IKBIP: variants seen among roughly 807,000 people sequenced by gnomAD.
The protein encoded by IKBIP is IKBKB interacting protein, also known as inhibitor of nuclear factor kappa-B kinase-interacting protein.
IKBIP carries 28 observed loss-of-function variants against 31.0 expected under a neutral mutation model. The observed-to-expected ratio is 0.90, with a 90% CI of 0.67 to 1.24. The LOEUF (loss-of-function observed/expected upper bound fraction) is 1.24. Ranked by LOEUF, IKBIP falls within the 50% of genes most tolerant of loss-of-function variation. The probability of loss-of-function intolerance (pLI) is 0.00; values close to 1 mark genes in which losing one functional copy is unlikely to be tolerated. For missense variants in IKBIP, 453 were observed against 441.9 expected, an observed-to-expected ratio of 1.03 and a Z score of -0.23; for synonymous variants, 164 against 160.3, an observed-to-expected ratio of 1.02 and a Z score of -0.17.
chr12:98,624,094 C>T (rs2097612154), downstream of IKBIP, among the ~76,000 whole-genome samples: 1 of 145,388 alleles, frequency 6.9e-6, no homozygotes, highest in African/African-American at 2.8e-5. Context: ...TTTCCATTTA[C>T]TTTCAGTAAC....
intron 2 of IKBIP, chr12:98,614,447 C>T: frequency 1.6e-6 from 1 of 639,770 alleles, no homozygotes; most frequent in Non-Finnish European, 2.3e-6. Flanking sequence ...TTTTTTGAGA[C>T]AGAGGCTTGT....
chr12:98,644,427 G>A (rs1215998569), intron 1 of IKBIP, 96 bp downstream of exon 1: 42 of 1,222,120 alleles, frequency 3.4e-5, no homozygotes, highest in Non-Finnish European at 4.0e-5. Flanking sequence ...AGGTCTGGGA[G>A]GTTGGATCAC....
rs1455982565 is a variant in IKBIP at position 98,630,324 on chromosome 12, GCAGTGAC to G, written c.298-3565_298-3559del. 3.1e-5 allele frequency among the ~76,000 whole-genome samples: 4 copies of G among 130,762 alleles called. No individual in the cohort carries two copies. In the East Asian group the frequency reaches 1.0e-3, roughly 33 times the overall value. 85.8% of individuals were successfully genotyped at this position (130,762 alleles called of 152,430 possible). A position where few individuals can be genotyped will look rare whatever the true frequency, so the allele number is the denominator to read the frequency against. ...TGCTTGAACCCAGGAGGCAGAGGTT[GCAGTGAC>G]CAGATCTCCCCACTGCACTCCAGCC... is the stretch of plus-strand genomic sequence containing the variant. On this transcript the variant is annotated intron_variant, in intron 2 of 2. Coordinates refer to ENST00000299157, the MANE Select transcript of IKBIP (RefSeq NM_153687.4).
At chr12:98,633,151 C>G (rs982647857) in intron 2 of IKBIP, among the ~76,000 whole-genome samples, 7 of 152,112 alleles carry the variant, frequency 4.6e-5, no homozygotes, top group Admixed American at 2.6e-4. Flanking sequence ...CCTTACCCAC[C>G]CTGGTGCCAA....
At chr12:98,643,835 A>C (rs1239352165) in intron 1 of IKBIP, among the ~76,000 whole-genome samples, 1 of 81,352 alleles carries the variant, frequency 1.2e-5, no homozygotes, top group Non-Finnish European at 2.5e-5. Context: ...TTTTTTTTTG[A>C]GACGGAGTCT....
intron 2 of IKBIP, among the ~76,000 whole-genome samples, chr12:98,614,746 A>G (rs2097605333): frequency 6.6e-6 from 1 of 152,136 alleles, no homozygotes; most frequent in South Asian, 2.1e-4. Flanking sequence ...TTATTTTTTA[A>G]CTACACTTTA....
chr12:98,629,376 TCAAACAAACAAA>T (rs61111913), intron 2 of IKBIP, among the ~76,000 whole-genome samples: 13 of 150,042 alleles, frequency 8.7e-5, no homozygotes, highest in South Asian at 6.4e-4. Flanking sequence ...CCTGTCTCTA[TCAAACAAACAAA>T]CAAACAAACA....
intron 2 of IKBIP, among the ~76,000 whole-genome samples, chr12:98,630,191 C>T (rs1224099402): frequency 6.6e-6 from 1 of 151,766 alleles, no homozygotes; most frequent in African/African-American, 2.4e-5. Flanking sequence ...TGAGACCATC[C>T]TGGCTAACAC....
chr12:98,637,947 CTTTATTTCCTT>C (rs1194611587), intron 1 of IKBIP, among the ~76,000 whole-genome samples: 7 of 152,176 alleles, frequency 4.6e-5, no homozygotes, highest in Non-Finnish European at 7.3e-5. Context: ...GTATAAGGTC[CTTTATTTCCTT>C]TTTATGAGTC....
intron 2 of IKBIP, among the ~76,000 whole-genome samples, chr12:98,629,147 T>C (rs779373047): frequency 6.6e-6 from 1 of 152,212 alleles, no homozygotes; most frequent in Non-Finnish European, 1.5e-5. Context: ...TGTTTGTTGA[T>C]GCTTAGGAAG....
At chr12:98,621,779 A>G (rs2097610326), downstream of IKBIP, among the ~76,000 whole-genome samples, 1 of 152,104 alleles carries the variant, frequency 6.6e-6, no homozygotes, top group Non-Finnish European at 1.5e-5. Context: ...TAGAGCTGTT[A>G]TGATGACGAT....
intron 2 of IKBIP, among the ~76,000 whole-genome samples, chr12:98,617,885 A>G (rs78305719): frequency 0.037 from 5,631 of 152,282 alleles, 204 homozygotes; most frequent in East Asian, 0.21. Flanking sequence ...TTTCTAGGAA[A>G]GTACTATGTT....
In IKBIP at chr12:98,626,649, C is replaced by T. The variant is rs1263698619; in HGVS notation, c.415G>A (p.Glu139Lys). The T allele has an allele frequency of 6.2e-7, 1 of 1,613,968 alleles. No homozygotes were observed. The highest frequency in any genetic ancestry group is 8.5e-7 in the Non-Finnish European group (1 of 1,179,984). ...CTTTGCATCCTTTGAGTGAGCACCT[C>T]TTCATTATTTTGAATGTCATGCATG... ...DIMHDIQNNE[E>K]VLTQRMQSLN... Residue 139 changes from glutamate (E) to lysine (K), a missense_variant, in exon 3 of 3, where the codon GAG (glutamate) becomes AAG (lysine). Transcript: ENST00000299157.
chr12:98,613,633 C>T (rs201283576), exon 3 of IKBIP: 3 of 1,557,302 alleles, frequency 1.9e-6, no homozygotes, highest in South Asian at 1.2e-5. Context: ...TATCCTTAAT[C>T]TCAGCTTGGA....
chr12:98,628,566 C>G (rs1363275216), intron 2 of IKBIP, among the ~76,000 whole-genome samples: 1 of 152,228 alleles, frequency 6.6e-6, no homozygotes, highest in Non-Finnish European at 1.5e-5. Context: ...AGCCCTAGCC[C>G]TGACAACCTG....
intron 2 of IKBIP, among the ~76,000 whole-genome samples, chr12:98,618,397 T>C (rs985166076): frequency 5.3e-5 from 8 of 150,248 alleles, no homozygotes; most frequent in East Asian, 4.1e-4. Flanking sequence ...GAGGCCGAGG[T>C]GGGCGGATCA....
Position 98,626,068 on chromosome 12 carries a change from AT to A in IKBIP, c.995del (p.Asn332IlefsTer4), listed in dbSNP as rs1565839820. 6.3e-7 allele frequency: 1 copy of A among 1,598,522 alleles called. No homozygotes were observed. Among genetic ancestry groups the A allele is most frequent in the Admixed American group, 1.7e-5 (1 of 57,812 alleles). ...QKTLEGIQYD[N>X]SILKMQNELD... is the part of the protein sequence containing the mutation. ...GTTCATTTTGCATCTTTAATATGCT[AT>A]TATCATACTGAATTCCTTCAAGGGT... On this transcript the variant is annotated frameshift_variant, in exon 3 of 3. Coordinates refer to ENST00000299157, the MANE Select transcript of IKBIP (RefSeq NM_153687.4). LOFTEE classifies it high-confidence loss of function.
At position 98,633,510 on chromosome 12, in the gene IKBIP, C is replaced by CTTTTTTTTTTTTTTTTTTTTTTTT. The variant is rs71432181; in HGVS notation, c.297+762_297+785dup. ...GCTAGCCGTTCTTTTTTTTTTAATT[C>CTTTTTTTTTTTTTTTTTTTTTTTT]TTTTTTTTTTTTTTTTTTTTTTTTG... is the stretch of plus-strand genomic sequence containing the variant. On this transcript the variant is annotated intron_variant, in intron 2 of 2. Transcript: ENST00000299157. Among the ~76,000 whole-genome samples, 27 of 61,394 alleles carry CTTTTTTTTTTTTTTTTTTTTTTTT rather than the reference C, an allele frequency of 4.4e-4. 1 individual carries two copies. Among genetic ancestry groups the CTTTTTTTTTTTTTTTTTTTTTTTT allele is most frequent in the East Asian group, 1.2e-3 (2 of 1,658 alleles). The allele number at this position is 61,394 out of a possible 152,430, so 40.3% of individuals were successfully genotyped here. A position where few individuals can be genotyped will look rare whatever the true frequency, so the allele number is the denominator to read the frequency against.
chr12:98,618,272 C>A (rs549564932), intron 2 of IKBIP, among the ~76,000 whole-genome samples: 5 of 152,046 alleles, frequency 3.3e-5, no homozygotes, highest in African/African-American at 9.7e-5. Flanking sequence ...CTAAAGATAT[C>A]TTTTTTTCTA....
Sources: allele counts gnomAD v4.1 joint callset (sites outside exome capture counted in the v4.1 genomes callset), GRCh38; gene constraint gnomAD v4.1.1; transcripts MANE v1.5; gene names NCBI Gene and HGNC (gene_info 2026-07-23, HGNC 2026-07-21).